DNAH7: variants seen among roughly 807,000 people sequenced by gnomAD.
DNAH7 encodes the protein axonemal beta dynein heavy chain 7.
In DNAH7, 397 loss-of-function variants were observed where a neutral mutation model predicts 444.6. The ratio of observed to expected loss-of-function variants is 0.89; its 90% CI spans 0.82 to 0.97. The LOEUF (loss-of-function observed/expected upper bound fraction) is 0.97. Among genes scored for constraint, DNAH7 ranks in the 50% least tolerant of loss-of-function variants. The pLI, the probability that DNAH7 is intolerant of heterozygous loss-of-function variation, is 0.00. For synonymous variants in DNAH7, 1,636 were observed against 1,624.4 expected, an observed-to-expected ratio of 1.01 and a Z score of -0.17; for missense variants, 4,902 against 4,800.8, an observed-to-expected ratio of 1.02 and a Z score of -0.62.
intron 54 of DNAH7, among the ~76,000 whole-genome samples, chr2:195,805,102 A>T (rs1696647133): frequency 6.6e-6 from 1 of 152,230 alleles, no homozygotes; most frequent in South Asian, 2.1e-4. Context: ...AGAAAGAGAT[A>T]TATCATCTTA....
intron 58 of DNAH7, among the ~76,000 whole-genome samples, chr2:195,785,826 G>A (rs12994873): frequency 0.45 from 68,279 of 151,808 alleles, 16,626 homozygotes; most frequent in Non-Finnish European, 0.56. Flanking sequence ...TTCCTAAATG[G>A]AAGAGCTTCT....
In DNAH7 at chr2:195,857,738, G is replaced by A. The variant is rs775923035; in HGVS notation, c.8068-15C>T. On this transcript the variant is annotated splice_polypyrimidine_tract_variant and intron_variant, in intron 43 of 64. Coordinates refer to ENST00000312428, the MANE Select transcript of DNAH7 (RefSeq NM_018897.3). ...ACTGTAATATCCTTGAAATAACAAC[G>A]TTAATTATTTTAAAAGACATGTTTG... 6.5e-6 allele frequency: 10 copies of A among 1,547,954 alleles called. No individual in the cohort carries two copies. The East Asian group carries it at 1.6e-4, about 24-fold the overall frequency.
chr2:196,030,119 G>A (rs1383204138), intron 5 of DNAH7, among the ~76,000 whole-genome samples: 1 of 152,188 alleles, frequency 6.6e-6, no homozygotes. Flanking sequence ...AAAGAAAGAG[G>A]TTTAATGGAC....
At chr2:195,763,748 A>C (rs1051058801) in intron 61 of DNAH7, among the ~76,000 whole-genome samples, 1 of 152,038 alleles carries the variant, frequency 6.6e-6, no homozygotes, top group African/African-American at 2.4e-5. Flanking sequence ...GTCTCCCAGC[A>C]AAGAAAAGCC....
chr2:195,990,294 A>G (rs1693213319), intron 12 of DNAH7, among the ~76,000 whole-genome samples: 1 of 152,056 alleles, frequency 6.6e-6, no homozygotes, highest in African/African-American at 2.4e-5. Flanking sequence ...CTGTATGTGG[A>G]TATCCAATTT....
At chr2:195,934,023 A>G (rs1396357794) in intron 21 of DNAH7, among the ~76,000 whole-genome samples, 1 of 152,134 alleles carries the variant, frequency 6.6e-6, no homozygotes, top group Non-Finnish European at 1.5e-5. Flanking sequence ...ACAGTAAAAA[A>G]AAAAACTGAG....
chr2:195,931,565 T>G lies in DNAH7; in HGVS notation c.3471+3026A>C, dbSNP rs565704947. 1.5e-3 allele frequency among the ~76,000 whole-genome samples: 222 copies of G among 151,894 alleles called. 1 individual carries two copies. Among genetic ancestry groups the G allele is most frequent in the African/African-American group, 4.9e-3 (202 of 41,390 alleles). Reference sequence around the variant, plus strand: ...GTTTTTATGGTTTTAGGTCTAACATTTAAGTCTTTAATCCATCTTGAATTA... The same window carrying G: ...GTTTTTATGGTTTTAGGTCTAACATGTAAGTCTTTAATCCATCTTGAATTA... On this transcript the variant is annotated intron_variant, in intron 21 of 64. Transcript: ENST00000312428.
intron 38 of DNAH7, 126 bp downstream of exon 38, chr2:195,875,549 T>G: frequency 2.3e-6 from 2 of 885,158 alleles, no homozygotes; most frequent in Non-Finnish European, 3.4e-6. Context: ...TAGGTCACAA[T>G]AGATACACAT....
intron 17 of DNAH7, among the ~76,000 whole-genome samples, chr2:195,966,090 G>T (rs1691456406): frequency 6.6e-6 from 1 of 151,704 alleles, no homozygotes; most frequent in Admixed American, 6.6e-5. Flanking sequence ...GGTACCTATA[G>T]CTATAAATTT....
intron 40 of DNAH7, among the ~76,000 whole-genome samples, chr2:195,869,799 T>C (rs1363190776): frequency 6.6e-6 from 1 of 152,150 alleles, no homozygotes; most frequent in Non-Finnish European, 1.5e-5. Context: ...ACTGGACTTT[T>C]ATCCGAAATT....
intron 24 of DNAH7, among the ~76,000 whole-genome samples, chr2:195,916,578 C>T (rs1047971848): frequency 5.3e-5 from 8 of 152,156 alleles, no homozygotes; most frequent in African/African-American, 1.9e-4. Context: ...AAACACCTGG[C>T]TGGGCACAGT....
chr2:195,919,952 C>T (rs1687923454), intron 24 of DNAH7, among the ~76,000 whole-genome samples: 1 of 152,192 alleles, frequency 6.6e-6, no homozygotes, highest in South Asian at 2.1e-4. Context: ...ATAGGAGAGA[C>T]CTTGGCCAGA....
intron 5 of DNAH7, among the ~76,000 whole-genome samples, chr2:196,043,241 G>GA (rs1009580056): frequency 5.3e-5 from 8 of 150,758 alleles, no homozygotes; most frequent in African/African-American, 1.7e-4. Flanking sequence ...TAAAAAAAGG[G>GA]AAAAAAAAGC....
At chr2:195,746,586 A>G (rs968683258) in intron 63 of DNAH7, among the ~76,000 whole-genome samples, 14 of 152,244 alleles carry the variant, frequency 9.2e-5, no homozygotes, top group African/African-American at 3.4e-4. Context: ...AATTGACCAC[A>G]TAGTTGGAAG....
At chr2:195,969,395 T>C (rs1377308270) in intron 17 of DNAH7, among the ~76,000 whole-genome samples, 1 of 152,240 alleles carries the variant, frequency 6.6e-6, no homozygotes, top group African/African-American at 2.4e-5. Context: ...CCTTTTCATA[T>C]AAAATACAAT....
chr2:195,809,441 C>T (rs1369460298), intron 52 of DNAH7, among the ~76,000 whole-genome samples: 1 of 152,276 alleles, frequency 6.6e-6, no homozygotes, highest in Middle Eastern at 3.4e-3. Flanking sequence ...ATTTACACTA[C>T]TACCTGGTGT....
intron 1 of DNAH7, 145 bp from the exon 2 acceptor site, chr2:196,058,261 T>C (rs926921913): frequency 6.0e-6 from 3 of 496,082 alleles, no homozygotes; most frequent in African/African-American, 2.0e-5. Context: ...TGATCTTATA[T>C]ACTGAAAATC....
rs971069986 is a variant in DNAH7 at position 195,852,230 on chromosome 2, T to C, written c.8781+1113A>G. Among the ~76,000 whole-genome samples the C allele has an allele frequency of 5.9e-5, 9 of 151,854 alleles. No individual in the cohort carries two copies. The South Asian group carries it at 1.3e-3, about 21-fold the overall frequency. On this transcript the variant is annotated intron_variant, in intron 46 of 64. Transcript: ENST00000312428. ...CCGAGATCGCACCACTGCACTCCAG[T>C]CTGGGCGACAGAGGGAGGCTCCTTC...
intron 30 of DNAH7, among the ~76,000 whole-genome samples, chr2:195,892,226 A>G (rs1181772653): frequency 6.6e-6 from 1 of 152,178 alleles, no homozygotes; most frequent in African/African-American, 2.4e-5. Flanking sequence ...CAAATGTTTA[A>G]AATGTTAACA....
Sources: allele counts gnomAD v4.1 joint callset (sites outside exome capture counted in the v4.1 genomes callset), GRCh38; gene constraint gnomAD v4.1.1; transcripts MANE v1.5; gene names NCBI Gene and HGNC (gene_info 2026-07-23, HGNC 2026-07-21).